MDM4: variants seen among roughly 807,000 people sequenced by gnomAD.
MDM4 encodes MDM4 regulator of p53.
MDM4 carries 2 observed loss-of-function variants against 60.2 expected under a neutral mutation model. That is an observed-to-expected ratio of 0.03 (90% confidence interval 0.01 to 0.10). MDM4 has a LOEUF of 0.10. Among genes scored for constraint, MDM4 ranks in the 10% least tolerant of loss-of-function variants. The pLI, the probability that MDM4 is intolerant of heterozygous loss-of-function variation, is 1.00. For synonymous variants in MDM4, 202 were observed against 198.1 expected (o/e 1.02, Z -0.17); for missense variants, 447 against 577.5 (o/e 0.77, Z 2.32).
At chr1:204,543,024 T>C (rs1662283298) in intron 8 of MDM4, 80 bp downstream of exon 8, 1 of 1,208,238 alleles carries the variant, frequency 8.3e-7, no homozygotes, top group Non-Finnish European at 1.2e-6. Flanking sequence ...CCACACATTA[T>C]ATTCTCTAAG....
At chr1:204,524,285 A>G (rs1295705667) in intron 1 of MDM4, among the ~76,000 whole-genome samples, 1 of 152,156 alleles carries the variant, frequency 6.6e-6, no homozygotes, top group Non-Finnish European at 1.5e-5. Context: ...TAAATCCTAC[A>G]TCTCAAACTC....
chr1:204,542,666 T>G (rs1662230667), intron 7 of MDM4, 118 bp from the exon 8 acceptor site: 1 of 760,722 alleles, frequency 1.3e-6, no homozygotes, highest in Non-Finnish European at 2.0e-6. Context: ...GGTTCTTTCT[T>G]TCTTAGAACA....
At position 204,551,646 on chromosome 1, in the gene MDM4, A is replaced by G. The variant is rs1663218046; in HGVS notation, c.*1964A>G. On this transcript the variant is annotated 3_prime_UTR_variant, in exon 11 of 11. Coordinates refer to ENST00000367182, the MANE Select transcript of MDM4 (RefSeq NM_002393.5). ...GAGCTATGCATGTATCCTTACCCCCATGGGAAAATGTTGGTGTGTTCTCAA... is the reference window on the plus strand; with the variant it reads ...GAGCTATGCATGTATCCTTACCCCCGTGGGAAAATGTTGGTGTGTTCTCAA... 4.3e-6 allele frequency: 1 copy of G among 231,262 alleles called. No individual in the cohort carries two copies. Among genetic ancestry groups the G allele is most frequent in the Admixed American group, 5.7e-5 (1 of 17,680 alleles). The allele number at this position is 231,262 out of a possible 1,614,324, so 14.3% of individuals were successfully genotyped here.
At chr1:204,545,616 C>G (rs931026873) in intron 9 of MDM4, among the ~76,000 whole-genome samples, 1 of 152,150 alleles carries the variant, frequency 6.6e-6, no homozygotes, top group African/African-American at 2.4e-5. Flanking sequence ...TACCTGGGTT[C>G]TCTTAGACTA....
intron 1 of MDM4, among the ~76,000 whole-genome samples, chr1:204,524,725 C>T (rs915036703): frequency 3.3e-5 from 5 of 152,212 alleles, no homozygotes; most frequent in African/African-American, 9.6e-5. Context: ...TACAGTGAGC[C>T]GAGATTGCGC....
chr1:204,527,514 A>G (rs1014398828), intron 3 of MDM4, among the ~76,000 whole-genome samples: 4 of 151,972 alleles, frequency 2.6e-5, no homozygotes, highest in South Asian at 2.1e-4. Flanking sequence ...CTAGCTTGGC[A>G]TGGTTGTAAT....
intron 10 of MDM4, among the ~76,000 whole-genome samples, chr1:204,548,408 A>G (rs1662875439): frequency 6.6e-6 from 1 of 152,198 alleles, no homozygotes; most frequent in African/African-American, 2.4e-5. Context: ...GCTTATGTCA[A>G]ATCAAATCCT....
At chr1:204,543,338 CAA>C (rs1166776611) in intron 8 of MDM4, among the ~76,000 whole-genome samples, 1 of 152,138 alleles carries the variant, frequency 6.6e-6, no homozygotes, top group Admixed American at 6.5e-5. Flanking sequence ...ACCATTTTTA[CAA>C]AAAATTAAAA....
At chr1:204,524,634 G>A (rs1397225222) in intron 1 of MDM4, among the ~76,000 whole-genome samples, 2 of 152,194 alleles carry the variant, frequency 1.3e-5, no homozygotes, top group Admixed American at 6.5e-5. Context: ...ATAATGAGCT[G>A]GGCGTGGTGG....
chr1:204,545,169 T>C (rs1662525667), intron 9 of MDM4, among the ~76,000 whole-genome samples: 1 of 152,174 alleles, frequency 6.6e-6, no homozygotes, highest in Non-Finnish European at 1.5e-5. Flanking sequence ...AGCCAAAAGG[T>C]TGGACACCCC....
rs184631186 is a variant in MDM4 at position 204,550,384 on chromosome 1, C to T, written c.*702C>T. ...CTCACTATGTTGCCCAGGCTGGTCT[C>T]GAACTCCTGGGCTCAAACAATCCTC... On this transcript the variant is annotated 3_prime_UTR_variant, in exon 11 of 11. Transcript: ENST00000367182. 9.5e-5 allele frequency: 20 copies of T among 210,278 alleles called. No homozygotes were observed. Among genetic ancestry groups the T allele is most frequent in the Admixed American group, 1.2e-4 (2 of 16,946 alleles). The allele number at this position is 210,278 out of a possible 1,614,324, so 13.0% of individuals were successfully genotyped here. A position where few individuals can be genotyped will look rare whatever the true frequency, so the allele number is the denominator to read the frequency against.
intron 5 of MDM4, among the ~76,000 whole-genome samples, chr1:204,536,600 G>A (rs1661452930): frequency 6.6e-6 from 1 of 152,146 alleles, no homozygotes; most frequent in African/African-American, 2.4e-5. Flanking sequence ...CTCAAATAAT[G>A]AATAGTCCAG....
At chr1:204,530,520 T>C (rs1558318212) in intron 3 of MDM4, among the ~76,000 whole-genome samples, 164 bp from the exon 4 acceptor site, 1 of 152,212 alleles carries the variant, frequency 6.6e-6, no homozygotes, top group African/African-American at 2.4e-5. Context: ...GACCTAGTAG[T>C]TGGGAGCGGC....
chr1:204,534,580 G>A (rs771854227), intron 5 of MDM4, among the ~76,000 whole-genome samples: 7 of 151,884 alleles, frequency 4.6e-5, no homozygotes, highest in Admixed American at 1.3e-4. Context: ...CTCCGCCTCC[G>A]TGGCACAAGC....
Position 204,522,752 on chromosome 1 carries a change from T to C in MDM4, c.-35-2732T>C, listed in dbSNP as rs562366409. On this transcript the variant is annotated intron_variant, in intron 1 of 10. Coordinates refer to ENST00000367182, the MANE Select transcript of MDM4 (RefSeq NM_002393.5). ...CTTGTTTCCTATTTGACTTATTTTA[T>C]AGCAAAGTAAGGTAATGGGAGAGGG... Among the ~76,000 whole-genome samples, 3 of 152,264 alleles carry C rather than the reference T, an allele frequency of 2.0e-5. No homozygotes were observed. In the East Asian group the frequency reaches 5.8e-4, roughly 29 times the overall value.
Position 204,538,282 on chromosome 1 carries a change from A to C in MDM4, c.485A>C (p.Glu162Ala). ...EDDIPTLPTS[E>A]HKCIHSREDE... ...GATATCCCCACACTGCCTACCTCAG[A>C]GCATAAATGCATACATTCTAGAGAA... The change falls in exon 7 of 11, where the codon GAG (glutamate) becomes GCG (alanine). Residue 162 changes from glutamate (E) to alanine (A), a missense_variant. By Grantham distance (107) the Glu-to-Ala change is moderately radical. Coordinates refer to ENST00000367182, the MANE Select transcript of MDM4 (RefSeq NM_002393.5). The C allele has an allele frequency of 1.2e-6, 2 of 1,600,482 alleles. No individual in the cohort carries two copies. Among genetic ancestry groups the C allele is most frequent in the Non-Finnish European group, 1.7e-6 (2 of 1,167,674 alleles).
intron 3 of MDM4, among the ~76,000 whole-genome samples, chr1:204,528,652 T>C (rs1414420592): frequency 2.0e-5 from 3 of 152,196 alleles, no homozygotes; most frequent in African/African-American, 7.2e-5. Context: ...CTGTGTGGCC[T>C]CAGCCCTGGT....
At chr1:204,548,231 A>G (rs1041971698) in intron 10 of MDM4, among the ~76,000 whole-genome samples, 1 of 152,242 alleles carries the variant, frequency 6.6e-6, no homozygotes, top group African/African-American at 2.4e-5. Context: ...GATTATTTGT[A>G]TAGCATTTTA....
Position 204,521,968 on chromosome 1 carries a change from G to T in MDM4, c.-35-3516G>T, listed in dbSNP as rs147342478. 7.0e-3 allele frequency among the ~76,000 whole-genome samples: 1,067 copies of T among 152,198 alleles called. 13 individuals are homozygous for T. Among genetic ancestry groups the T allele is most frequent in the African/African-American group, 0.024 (1,015 of 41,542 alleles). On this transcript the variant is annotated intron_variant, in intron 1 of 10. Transcript: ENST00000367182. ...TTGGGAGTTTTAGTTTTAAAAATGG[G>T]TGTTCATATGAGGCCTTGTTGACAA...
Sources: allele counts gnomAD v4.1 joint callset (sites outside exome capture counted in the v4.1 genomes callset), GRCh38; gene constraint gnomAD v4.1.1; transcripts MANE v1.5; gene names NCBI Gene and HGNC (gene_info 2026-07-23, HGNC 2026-07-21).